The following SEL1L2 variants were observed in gnomAD, a reference collection of about 807,000 sequenced individuals.
The protein encoded by SEL1L2 is protein sel-1 homolog 2.
SEL1L2 carries 89 observed loss-of-function variants against 98.8 expected under a neutral mutation model. That is an observed-to-expected ratio of 0.90 (90% CI 0.76 to 1.07). The LOEUF is 1.07. Among genes scored for constraint, SEL1L2 ranks in the 50% least tolerant of loss-of-function variants. The pLI is 0.00. For missense variants in SEL1L2, 788 were observed against 812.0 expected (o/e 0.97, Z 0.36); for synonymous variants, 262 against 278.5 (o/e 0.94, Z 0.59).
rs551092941 is a variant in SEL1L2 at position 13,888,708 on chromosome 20, G to A, written c.550-196C>T. Among the ~76,000 whole-genome samples, 4 of 122,314 alleles carry A rather than the reference G, an allele frequency of 3.3e-5. No individual in the cohort carries two copies. The Admixed American group carries it at 3.4e-4, about 10-fold the overall frequency. 80.2% of individuals were successfully genotyped at this position (122,314 alleles called of 152,430 possible). ...GGCTGAAGTGCAGTGGCGAGATCTC[G>A]GCTCACTGCAATCTCTGCCTCCAGG... is the stretch of plus-strand genomic sequence containing the variant. On this transcript the variant is annotated intron_variant, in intron 5 of 19. Coordinates refer to ENST00000284951, the MANE Select transcript of SEL1L2 (RefSeq NM_025229.2).
chr20:13,914,975 GA>G, intron 4 of SEL1L2: 1 of 588,742 alleles, frequency 1.7e-6, no homozygotes, highest in Non-Finnish European at 2.5e-6. Context: ...GTATTTTAGG[GA>G]TTTATTTTTA....
intron 5 of SEL1L2, among the ~76,000 whole-genome samples, chr20:13,902,353 G>A (rs548262532): frequency 1.3e-5 from 2 of 152,246 alleles, no homozygotes; most frequent in Admixed American, 6.5e-5. Flanking sequence ...GTGCAGAATA[G>A]GCAAGATAAA....
At chr20:13,920,214 C>T (rs6074662) in intron 3 of SEL1L2, among the ~76,000 whole-genome samples, 28,535 of 129,538 alleles carry the variant, frequency 0.22, 3,409 homozygotes, top group Non-Finnish European at 0.27. Flanking sequence ...GGTGACAGAG[C>T]GAGACTCCGT....
intron 1 of SEL1L2, among the ~76,000 whole-genome samples, chr20:13,984,301 C>T (rs768804084): frequency 1.3e-5 from 2 of 152,154 alleles, no homozygotes; most frequent in Non-Finnish European, 2.9e-5. Context: ...TGTGAGCCAC[C>T]GCACTCAGCC....
At chr20:13,867,092 A>T (rs557654287) in intron 14 of SEL1L2, among the ~76,000 whole-genome samples, 3 of 152,260 alleles carry the variant, frequency 2.0e-5, no homozygotes, top group Non-Finnish European at 4.4e-5. Context: ...AGAAAGAAGG[A>T]CTACTTCGTC....
chr20:13,907,766 C>CT (rs1406897129), intron 5 of SEL1L2, among the ~76,000 whole-genome samples: 3 of 94,754 alleles, frequency 3.2e-5, no homozygotes, highest in Admixed American at 1.1e-4. Context: ...CTTTTCTTTT[C>CT]TTTTTTTTTC....
At chr20:13,962,956 A>G (rs1161770330) in intron 1 of SEL1L2, among the ~76,000 whole-genome samples, 1 of 151,896 alleles carries the variant, frequency 6.6e-6, no homozygotes, top group East Asian at 1.9e-4. Context: ...AATCCCAGCT[A>G]CTTGGGAGGC....
intron 5 of SEL1L2, among the ~76,000 whole-genome samples, chr20:13,909,597 G>A (rs1568949461): frequency 6.6e-6 from 1 of 152,168 alleles, no homozygotes; most frequent in South Asian, 2.1e-4. Context: ...GGGAATTCAA[G>A]TGAGGAATAA....
intron 5 of SEL1L2, among the ~76,000 whole-genome samples, chr20:13,904,546 AAT>A (rs934249645): frequency 2.3e-4 from 35 of 151,734 alleles, no homozygotes; most frequent in African/African-American, 8.2e-4. Flanking sequence ...CAAACAAATA[AAT>A]ATATATATAT....
At chr20:13,898,582 C>A (rs903797990) in intron 5 of SEL1L2, among the ~76,000 whole-genome samples, 36 of 152,288 alleles carry the variant, frequency 2.4e-4, no homozygotes, top group African/African-American at 8.4e-4. Flanking sequence ...TCTTCCAGCA[C>A]CTGCTATTGT....
chr20:13,886,493 G>C (rs2046961955), intron 8 of SEL1L2, 51 bp from the exon 9 acceptor site: 2 of 1,491,886 alleles, frequency 1.3e-6, no homozygotes, highest in Non-Finnish European at 1.8e-6. Flanking sequence ...GGCTGCAAGA[G>C]ATAACAGTCA....
upstream of SEL1L2, chr20:13,995,025 G>A (rs1407571378): frequency 6.6e-6 from 1 of 152,224 alleles, no homozygotes; most frequent in African/African-American, 2.4e-5. The surrounding 1 kb of genome is among the most constrained non-coding windows in gnomAD (Gnocchi z 4.3). Context: ...CAGATTACCT[G>A]GTGAAAATCC....
intron 1 of SEL1L2, among the ~76,000 whole-genome samples, chr20:13,981,733 G>A (rs1282426987): frequency 1.3e-5 from 2 of 152,178 alleles, no homozygotes; most frequent in Non-Finnish European, 2.9e-5. Flanking sequence ...CTCTCTTGCA[G>A]TCATCAGTCC....
chr20:13,876,028 G>A lies in SEL1L2; in HGVS notation c.1104+10C>T. The A allele has an allele frequency of 6.2e-7, 1 of 1,606,562 alleles. No individual in the cohort carries two copies. The highest frequency in any genetic ancestry group is 2.2e-5 in the East Asian group (1 of 44,852). On this transcript the variant is annotated intron_variant, in intron 12 of 19. Coordinates refer to ENST00000284951, the MANE Select transcript of SEL1L2 (RefSeq NM_025229.2). ...GTGTATGTGTTTACAACAGTGCATTGAGGACATACCTTACTGGCTGCCATG... is the reference window on the plus strand; with the variant it reads ...GTGTATGTGTTTACAACAGTGCATTAAGGACATACCTTACTGGCTGCCATG...
intron 2 of SEL1L2, among the ~76,000 whole-genome samples, chr20:13,948,494 T>G (rs1270891317): frequency 6.6e-6 from 1 of 152,174 alleles, no homozygotes; most frequent in Non-Finnish European, 1.5e-5. Flanking sequence ...GCCAAGACCA[T>G]TCAGTGGAGA....
At chr20:13,966,192 C>T (rs370421831) in intron 1 of SEL1L2, among the ~76,000 whole-genome samples, 32 of 152,108 alleles carry the variant, frequency 2.1e-4, no homozygotes, top group South Asian at 1.2e-3. Flanking sequence ...AAACAAGGTA[C>T]GCATGTATGA....
At chr20:13,888,344 T>G in intron 6 of SEL1L2, 115 bp downstream of exon 6, 1 of 720,610 alleles carries the variant, frequency 1.4e-6, no homozygotes, top group South Asian at 1.7e-5. Context: ...ACTATTAAGT[T>G]GGTGTTTTCA....
rs1170613564 is a variant in SEL1L2 at position 13,886,362 on chromosome 20, T to C, written c.826A>G (p.Asn276Asp). ...LTERPENLSS[N>D]SEILDWDIYQ... ...ATGTCCCAATCCAAAATCTCACTGT[T>C]AGAACTCAGATTTTCAGGTCTTTCC... The change falls in exon 9 of 20, where the codon AAC becomes GAC. Residue 276 changes from asparagine to aspartate, a missense_variant. Coordinates refer to ENST00000284951, the MANE Select transcript of SEL1L2 (RefSeq NM_025229.2). 13 of 1,613,842 alleles carry C rather than the reference T, an allele frequency of 8.1e-6. No homozygotes were observed. Among genetic ancestry groups the C allele is most frequent in the Non-Finnish European group, 1.1e-5 (13 of 1,179,742 alleles).
intron 17 of SEL1L2, among the ~76,000 whole-genome samples, chr20:13,861,318 G>A (rs987975430): frequency 6.6e-6 from 1 of 152,110 alleles, no homozygotes; most frequent in East Asian, 1.9e-4. Flanking sequence ...TAGGACTACA[G>A]GCATGCACCA....
Sources: gnomAD v4.1 joint callset for allele counts (sites outside exome capture counted in the v4.1 genomes callset) on GRCh38, gnomAD v4.1.1 for gene constraint, Gnocchi (gnomAD v3.1) non-coding constraint, MANE v1.5 for transcripts, NCBI Gene and HGNC (gene_info 2026-07-23, HGNC 2026-07-21) for gene names.